The following OR8A1 variants were observed in gnomAD, a reference collection of about 807,000 sequenced individuals.
OR8A1 encodes the protein olfactory receptor 8A1.
OR8A1 carries 5 observed loss-of-function variants against 13.4 expected under a neutral mutation model. That is an observed-to-expected ratio of 0.37 (90% CI 0.19 to 0.78). OR8A1 has a LOEUF of 0.78. Among genes scored for constraint, OR8A1 ranks in the 30% least tolerant of loss-of-function variants. The probability of loss-of-function intolerance (pLI) is 0.47; values close to 1 mark genes in which losing one functional copy is unlikely to be tolerated. For synonymous variants in OR8A1, 156 were observed against 150.4 expected, an observed-to-expected ratio of 1.04 and a Z score of -0.27; for missense variants, 354 against 374.8, an observed-to-expected ratio of 0.94 and a Z score of 0.46.
In OR8A1 at chr11:124,571,217, C is replaced by T. The variant is rs1482923629; in HGVS notation, c.*168C>T. ...CTTCCTTCCCTCTTCCTTTCCTCTT[C>T]CTTCCTCTTCCTTCCTTCCTCTTCT... is the stretch of plus-strand genomic sequence containing the variant. On this transcript the variant is annotated 3_prime_UTR_variant, in exon 1 of 1. Transcript: ENST00000284287. 8.5e-6 allele frequency: 5 copies of T among 588,032 alleles called. No individual in the cohort carries two copies. Among genetic ancestry groups the T allele is most frequent in the Admixed American group, 3.3e-5 (1 of 30,366 alleles). 36.4% of individuals were successfully genotyped at this position (588,032 alleles called of 1,614,324 possible).
At position 124,570,222 on chromosome 11, in the gene OR8A1, T is replaced by G; in HGVS notation, c.103T>G (p.Tyr35Asp). 1.2e-6 allele frequency: 2 copies of G among 1,614,080 alleles called. No individual in the cohort carries two copies. Among genetic ancestry groups the G allele is most frequent in the East Asian group, 4.5e-5 (2 of 44,870 alleles). The part of the protein sequence containing the change: ...LPLFLLFLGI[Y>D]LVTIVGNLGM... ...CCTCTTTCTCCTCTTCCTCGGGATC[T>G]ACTTGGTCACCATCGTGGGGAACCT... The change falls in exon 1 of 1, where the codon TAC becomes GAC. Residue 35 changes from tyrosine to aspartate, a missense_variant. By Grantham distance (160) the Tyr-to-Asp change is radical (BLOSUM62 -3). Transcript: ENST00000284287.
chr11:124,571,184 T>TCTTTCCTCTTCCTTCCCTCTTC lies in OR8A1; in HGVS notation c.*152_*173dup, dbSNP rs1324143071. 1.4e-6 allele frequency: 1 copy of TCTTTCCTCTTCCTTCCCTCTTC among 729,790 alleles called. No individual in the cohort carries two copies. The highest frequency in any genetic ancestry group is 2.2e-6 in the Non-Finnish European group (1 of 459,392). 45.2% of individuals were successfully genotyped at this position (729,790 alleles called of 1,614,324 possible). On this transcript the variant is annotated 3_prime_UTR_variant, in exon 1 of 1. Coordinates refer to ENST00000284287, the MANE Select transcript of OR8A1 (RefSeq NM_001005194.2). ...GGCTGGGTGAATGGGCATTTTTCCT[T>TCTTTCCTCTTCCTTCCCTCTTC]CTTTCCTCTTCCTTCCCTCTTCCTT... is the stretch of plus-strand genomic sequence containing the variant.
rs150605099 is a variant in OR8A1, at chr11:124,570,223, A to G, written c.104A>G (p.Tyr35Cys). Residue 35 changes from tyrosine (Y) to cysteine (C), a missense_variant, in exon 1 of 1, where the codon TAC (tyrosine) becomes TGC (cysteine). Transcript: ENST00000284287. ...LPLFLLFLGI[Y>C]LVTIVGNLGM... is the part of the protein sequence containing the mutation. ...CTCTTTCTCCTCTTCCTCGGGATCT[A>G]CTTGGTCACCATCGTGGGGAACCTG... 3.0e-5 allele frequency: 48 copies of G among 1,613,956 alleles called. No individual in the cohort carries two copies. The Middle Eastern group carries it at 9.9e-4, about 33-fold the overall frequency.
At position 124,570,302 on chromosome 11, in the gene OR8A1, C is replaced by T. The variant is rs757134459; in HGVS notation, c.183C>T (p.Tyr61=). ...CTCAGCTGCACACCCCCATGTACTACTTTCTCAGCAATCTGTCACTCATGG... is the reference window on the plus strand; with the variant it reads ...CTCAGCTGCACACCCCCATGTACTATTTTCTCAGCAATCTGTCACTCATGG... ...LNSQLHTPMY[Y]FLSNLSLMDL... The change falls in exon 1 of 1, where the codon TAC becomes TAT. Residue 61 remains tyrosine, a synonymous_variant. Coordinates refer to ENST00000284287, the MANE Select transcript of OR8A1 (RefSeq NM_001005194.2). 6.2e-7 allele frequency: 1 copy of T among 1,614,154 alleles called. No homozygotes were observed. Among genetic ancestry groups the T allele is most frequent in the Non-Finnish European group, 8.5e-7 (1 of 1,180,026 alleles).
At position 124,570,315 on chromosome 11, in the gene OR8A1, C is replaced by T; in HGVS notation, c.196C>T (p.Leu66=). 1 of 1,614,156 alleles carries T rather than the reference C, an allele frequency of 6.2e-7. No homozygotes were observed. Among genetic ancestry groups the T allele is most frequent in the Non-Finnish European group, 8.5e-7 (1 of 1,180,018 alleles). The part of the protein sequence containing the change: ...HTPMYYFLSN[L]SLMDLCYSSV... ...CCCCATGTACTACTTTCTCAGCAAT[C>T]TGTCACTCATGGATCTCTGCTACTC... Residue 66 remains leucine (L), a synonymous_variant, in exon 1 of 1, where the codon CTG becomes TTG. Transcript: ENST00000284287.
At position 124,571,208 on chromosome 11, in the gene OR8A1, T is replaced by TTTCCTCTTCC. The variant is rs141387089; in HGVS notation, c.*175_*184dup. On this transcript the variant is annotated 3_prime_UTR_variant, in exon 1 of 1. Transcript: ENST00000284287. ...TTCTTTCCTCTTCCTTCCCTCTTCC[T>TTTCCTCTTCC]TTCCTCTTCCTTCCTCTTCCTTCCT... The TTTCCTCTTCC allele has an allele frequency of 6.4e-6, 4 of 629,336 alleles. No individual in the cohort carries two copies. Among genetic ancestry groups the TTTCCTCTTCC allele is most frequent in the East Asian group, 5.6e-5 (2 of 35,580 alleles). The allele number at this position is 629,336 out of a possible 1,614,324, so 39.0% of individuals were successfully genotyped here. A position where few individuals can be genotyped will look rare whatever the true frequency, so the allele number is the denominator to read the frequency against.
Position 124,571,310 on chromosome 11 carries a change from C to T in OR8A1, c.*261C>T. ...CCAGCCAACTTCAGGTTCAGGTTTT[C>T]TTTCACTTGAGATCCATCCCTCTAC... On this transcript the variant is annotated 3_prime_UTR_variant, in exon 1 of 1. Transcript: ENST00000284287. 1 of 468,358 alleles carries T rather than the reference C, an allele frequency of 2.1e-6. No individual in the cohort carries two copies. Among genetic ancestry groups the T allele is most frequent in the Non-Finnish European group, 3.8e-6 (1 of 262,798 alleles). 29.0% of individuals were successfully genotyped at this position (468,358 alleles called of 1,614,324 possible). A position where few individuals can be genotyped will look rare whatever the true frequency, so the allele number is the denominator to read the frequency against.
chr11:124,570,090 C>T lies in OR8A1; in HGVS notation c.-30C>T. The T allele has an allele frequency of 6.2e-7, 1 of 1,612,452 alleles. No homozygotes were observed. ...TTTAATGGGGTTCTTGTCTCCCATGCATCCCTGCAGGCCTCCCACCCAGAG... is the reference window on the plus strand; with the variant it reads ...TTTAATGGGGTTCTTGTCTCCCATGTATCCCTGCAGGCCTCCCACCCAGAG... On this transcript the variant is annotated 5_prime_UTR_variant, in exon 1 of 1. Coordinates refer to ENST00000284287, the MANE Select transcript of OR8A1 (RefSeq NM_001005194.2).
In OR8A1 at chr11:124,570,222, T is replaced by A; in HGVS notation, c.103T>A (p.Tyr35Asn). 1.2e-6 allele frequency: 2 copies of A among 1,614,080 alleles called. No individual in the cohort carries two copies. The highest frequency in any genetic ancestry group is 1.7e-6 in the Non-Finnish European group (2 of 1,180,006). ...CCTCTTTCTCCTCTTCCTCGGGATC[T>A]ACTTGGTCACCATCGTGGGGAACCT... ...LPLFLLFLGI[Y>N]LVTIVGNLGM... Residue 35 changes from tyrosine (Y) to asparagine (N), a missense_variant, in exon 1 of 1, where the codon TAC becomes AAC. Coordinates refer to ENST00000284287, the MANE Select transcript of OR8A1 (RefSeq NM_001005194.2).
chr11:124,570,636 A>T lies in OR8A1; in HGVS notation c.517A>T (p.Ile173Phe), dbSNP rs1862668888. The T allele has an allele frequency of 6.2e-7, 1 of 1,613,930 alleles. No homozygotes were observed. Among genetic ancestry groups the T allele is most frequent in the East Asian group, 2.2e-5 (1 of 44,886 alleles). Residue 173 changes from isoleucine (I) to phenylalanine (F), a missense_variant, in exon 1 of 1, where the codon ATC becomes TTC. By Grantham distance (21) the Ile-to-Phe change is conservative (BLOSUM62 0). Coordinates refer to ENST00000284287, the MANE Select transcript of OR8A1 (RefSeq NM_001005194.2). ...MLKLPYCEHL[I>F]SHYFCDILPL... ...AAAACTGCCCTATTGTGAGCACCTC[A>T]TCAGTCACTACTTCTGTGACATCCT...
chr11:124,570,998 C>A lies in OR8A1; in HGVS notation c.879C>A (p.Asn293Lys). 3.7e-6 allele frequency: 6 copies of A among 1,613,880 alleles called. No homozygotes were observed. The highest frequency in any genetic ancestry group is 5.1e-6 in the Non-Finnish European group (6 of 1,179,898). ...ATCCCCTAATCTACAGCCTGAGGAA[C>A]AAGGAAGTAAAGGCTGCCGTGCAGA... ...MLNPLIYSLRNKEVKAAVQKT... is the reference protein window; with the variant it reads ...MLNPLIYSLRKKEVKAAVQKT... Residue 293 changes from asparagine to lysine, a missense_variant, in exon 1 of 1, where the codon AAC becomes AAA. Transcript: ENST00000284287.
Position 124,570,762 on chromosome 11 carries a change from G to C in OR8A1, c.643G>C (p.Val215Leu), listed in dbSNP as rs1411570477. 2 of 1,614,068 alleles carry C rather than the reference G, an allele frequency of 1.2e-6. No individual in the cohort carries two copies. The highest frequency in any genetic ancestry group is 1.1e-5 in the South Asian group (1 of 91,082). ...CATAGTCACGAGCTTAACAGTTCTT[G>C]TTTCTTACACCTTCATTCTCTCCAG... ...NIIVTSLTVL[V>L]SYTFILSSIL... Residue 215 changes from valine to leucine, a missense_variant, in exon 1 of 1, where the codon GTT becomes CTT. Physicochemically the swap from Val to Leu is conservative, Grantham distance 32 (BLOSUM62 1). Transcript: ENST00000284287.
At position 124,571,146 on chromosome 11, in the gene OR8A1, C is replaced by A; in HGVS notation, c.*97C>A. ...TGGCCAGCTGTGGATGGAAAATAAT[C>A]ACTTCTCCACATGGCTGGGTGAATG... On this transcript the variant is annotated 3_prime_UTR_variant, in exon 1 of 1. Transcript: ENST00000284287. The A allele has an allele frequency of 8.6e-7, 1 of 1,157,936 alleles. No homozygotes were observed. The highest frequency in any genetic ancestry group is 1.6e-5 in the South Asian group (1 of 64,466). The allele number at this position is 1,157,936 out of a possible 1,614,324, so 71.7% of individuals were successfully genotyped here.
chr11:124,570,919 T>G lies in OR8A1; in HGVS notation c.800T>G (p.Leu267Trp), dbSNP rs1377915245. ...TTAAAACCCTCCACAATCAGTTCCTTGACCCAGGAGAATGTGGCCTCTGTG... is the reference window on the plus strand; with the variant it reads ...TTAAAACCCTCCACAATCAGTTCCTGGACCCAGGAGAATGTGGCCTCTGTG... Reference protein sequence around the residue: ...MYLKPSTISSLTQENVASVFY... With the variant: ...MYLKPSTISSWTQENVASVFY... The change falls in exon 1 of 1, where the codon TTG (leucine) becomes TGG (tryptophan). Residue 267 changes from leucine to tryptophan, a missense_variant. Physicochemically the swap from Leu to Trp is moderately conservative, Grantham distance 61. Coordinates refer to ENST00000284287, the MANE Select transcript of OR8A1 (RefSeq NM_001005194.2). 4.3e-6 allele frequency: 7 copies of G among 1,614,138 alleles called. No homozygotes were observed. Among genetic ancestry groups the G allele is most frequent in the Non-Finnish European group, 5.1e-6 (6 of 1,180,014 alleles).
In OR8A1 at chr11:124,570,847, A is replaced by G; in HGVS notation, c.728A>G (p.His243Arg). The change falls in exon 1 of 1, where the codon CAC (histidine) becomes CGC (arginine). Residue 243 changes from histidine to arginine, a missense_variant. By Grantham distance (29) the His-to-Arg change is conservative. Coordinates refer to ENST00000284287, the MANE Select transcript of OR8A1 (RefSeq NM_001005194.2). ...RSKAFSTCSS[H>R]LAAVGMFYGS... ...AAAGCCTTCAGCACCTGCAGCTCCC[A>G]CCTTGCAGCCGTGGGAATGTTCTAT... 6.2e-7 allele frequency: 1 copy of G among 1,614,044 alleles called. No individual in the cohort carries two copies. The highest frequency in any genetic ancestry group is 1.1e-5 in the South Asian group (1 of 91,076).
Position 124,570,080 on chromosome 11 carries a change from G to A in OR8A1, c.-40G>A. ...AGATTAGCCTTTTAATGGGGTTCTT[G>A]TCTCCCATGCATCCCTGCAGGCCTC... is the stretch of plus-strand genomic sequence containing the variant. On this transcript the variant is annotated 5_prime_UTR_variant, in exon 1 of 1. Coordinates refer to ENST00000284287, the MANE Select transcript of OR8A1 (RefSeq NM_001005194.2). 2 of 1,610,240 alleles carry A rather than the reference G, an allele frequency of 1.2e-6. No individual in the cohort carries two copies. The highest frequency in any genetic ancestry group is 1.7e-6 in the Non-Finnish European group (2 of 1,177,970).
chr11:124,571,016 C>A lies in OR8A1; in HGVS notation c.897C>A (p.Ala299=). 1 of 1,613,168 alleles carries A rather than the reference C, an allele frequency of 6.2e-7. No individual in the cohort carries two copies. The highest frequency in any genetic ancestry group is 8.5e-7 in the Non-Finnish European group (1 of 1,179,614). ...YSLRNKEVKA[A]VQKTLRGKLF ...TGAGGAACAAGGAAGTAAAGGCTGC[C>A]GTGCAGAAAACGCTGAGGGGTAAAC... is the stretch of plus-strand genomic sequence containing the variant. The change falls in exon 1 of 1, where the codon GCC becomes GCA. Residue 299 remains alanine (A), a synonymous_variant. Transcript: ENST00000284287.
rs201806973 is a variant in OR8A1 at position 124,570,794 on chromosome 11, C to T, written c.675C>T (p.Leu225=). 7.4e-5 allele frequency: 120 copies of T among 1,613,982 alleles called. 1 individual carries two copies. The highest frequency in any genetic ancestry group is 3.3e-4 in the Middle Eastern group (2 of 6,084). ...VSYTFILSSI[L]GISTTEGRSK... ...ACACCTTCATTCTCTCCAGCATCCT[C>T]GGCATCAGCACCACAGAGGGGAGAT... Residue 225 remains leucine (L), a synonymous_variant, in exon 1 of 1, where the codon CTC becomes CTT. Transcript: ENST00000284287.
rs778541478 is a variant in OR8A1, at chr11:124,570,950, C to T, written c.831C>T (p.Tyr277=). 5.6e-6 allele frequency: 9 copies of T among 1,613,964 alleles called. No homozygotes were observed. Among genetic ancestry groups the T allele is most frequent in the Non-Finnish European group, 1.7e-6 (2 of 1,179,990 alleles). The change falls in exon 1 of 1, where the codon TAC becomes TAT. Residue 277 remains tyrosine (Y), a synonymous_variant. Transcript: ENST00000284287. Reference sequence around the variant, plus strand: ...AGGAGAATGTGGCCTCTGTGTTCTACACCACGGTAATCCCCATGTTGAATC... The same window carrying T: ...AGGAGAATGTGGCCTCTGTGTTCTATACCACGGTAATCCCCATGTTGAATC... ...LTQENVASVF[Y]TTVIPMLNPL...
Sources: allele counts gnomAD v4.1 joint callset, GRCh38; gene constraint gnomAD v4.1.1; transcripts MANE v1.5; gene names NCBI Gene and HGNC (gene_info 2026-07-23, HGNC 2026-07-21).